The following NCOR1 variants were observed in gnomAD, a reference collection of about 807,000 sequenced individuals.
The protein encoded by NCOR1 is nuclear receptor corepressor 1, also known as protein phosphatase 1, regulatory subunit 109.
A neutral mutation model predicts 288.1 loss-of-function variants in NCOR1; 63 were observed. That is an observed-to-expected ratio of 0.22 (90% CI 0.18 to 0.27). The LOEUF (loss-of-function observed/expected upper bound fraction) is 0.27. Among genes scored for constraint, NCOR1 ranks in the 10% least tolerant of loss-of-function variants. NCOR1 has a pLI of 1.00. For missense variants in NCOR1, 2,397 were observed against 3,019.2 expected (o/e 0.79, Z 4.83); for synonymous variants, 1,007 against 1,065.9 (o/e 0.94, Z 1.08).
At chr17:16,145,620 C>A (rs376010255) in intron 10 of NCOR1, among the ~76,000 whole-genome samples, 1 of 151,340 alleles carries the variant, frequency 6.6e-6, no homozygotes. Flanking sequence ...CCCCTCTGCC[C>A]GGCAGCCGCC....
intron 1 of NCOR1, among the ~76,000 whole-genome samples, chr17:16,210,024 T>TA (rs370412666): frequency 6.3e-4 from 95 of 149,938 alleles, no homozygotes; most frequent in South Asian, 4.5e-3. Context: ...CCTTCATACT[T>TA]AAAAAAAAAA....
At chr17:16,146,986 C>T (rs2078083396) in intron 9 of NCOR1, among the ~76,000 whole-genome samples, 1 of 152,178 alleles carries the variant, frequency 6.6e-6, no homozygotes, top group Non-Finnish European at 1.5e-5. Context: ...AAACAAAACA[C>T]ACACGCTTTA....
chr17:16,094,324 T>C (rs1328862387), intron 21 of NCOR1, among the ~76,000 whole-genome samples: 1 of 152,206 alleles, frequency 6.6e-6, no homozygotes, highest in South Asian at 2.1e-4. Context: ...AAATGTCCAT[T>C]TGAATGAGTC....
chr17:16,187,105 A>G (rs2086811975), intron 2 of NCOR1, among the ~76,000 whole-genome samples: 1 of 152,184 alleles, frequency 6.6e-6, no homozygotes, highest in African/African-American at 2.4e-5. Flanking sequence ...TGAAGTACAG[A>G]GAATCAACCT....
chr17:16,035,875 C>T (rs1409407790), intron 44 of NCOR1, among the ~76,000 whole-genome samples: 1 of 152,102 alleles, frequency 6.6e-6, no homozygotes, highest in Admixed American at 6.6e-5. Flanking sequence ...TGCAGTGACT[C>T]CCTCCACTGA....
At chr17:16,095,436 G>A (rs1443032828) in intron 21 of NCOR1, among the ~76,000 whole-genome samples, 3 of 149,544 alleles carry the variant, frequency 2.0e-5, no homozygotes, top group African/African-American at 7.4e-5. Flanking sequence ...ATCCGGGAGG[G>A]AGGTGGGGGG....
In NCOR1 at chr17:16,121,098, C is replaced by T. The variant is rs778137445; in HGVS notation, c.1806G>A (p.Ala602=). 2.9e-5 allele frequency: 46 copies of T among 1,613,944 alleles called. 1 individual carries two copies. The South Asian group carries it at 3.1e-4, about 11-fold the overall frequency. The change falls in exon 16 of 46, where the codon GCG becomes GCA. Residue 602 remains alanine (A), a synonymous_variant. Transcript: ENST00000268712. The part of the protein sequence containing the change: ...EAAAASAAAA[A]ATEEPPPPLP... ...GAGGTGGTGGGGGCTCTTCAGTAGC[C>T]GCTGCGGCTGCAGCACTGGCAGCTG...
At position 16,101,669 on chromosome 17, in the gene NCOR1, C is replaced by T. The variant is rs781757424; in HGVS notation, c.2271G>A (p.Thr757=). 1.4e-5 allele frequency: 22 copies of T among 1,614,058 alleles called. No homozygotes were observed. The highest frequency in any genetic ancestry group is 1.8e-5 in the Non-Finnish European group (21 of 1,180,054). Residue 757 remains threonine, a synonymous_variant, in exon 20 of 46, where the codon ACG becomes ACA. Coordinates refer to ENST00000268712, the MANE Select transcript of NCOR1 (RefSeq NM_006311.4). Reference sequence around the variant, plus strand: ...AGGGAGATGTACTGGGTGCAGTTTCCGTGGTGGGCTCAAGCTCAACCGCAG... The same window carrying T: ...AGGGAGATGTACTGGGTGCAGTTTCTGTGGTGGGCTCAAGCTCAACCGCAG... ...TEPAVELEPT[T]ETAPSTSPSL...
chr17:16,120,835 CA>C, intron 16 of NCOR1, among the ~76,000 whole-genome samples: 1 of 152,174 alleles, frequency 6.6e-6, no homozygotes, highest in South Asian at 2.1e-4. Context: ...GGCACACTAG[CA>C]TAACAACTAA....
At chr17:16,083,921 G>A (rs1469034867) in intron 23 of NCOR1, 1 of 151,668 alleles carries the variant, frequency 6.6e-6, no homozygotes. Flanking sequence ...AATAAATGAA[G>A]TGGCGAAAGA....
intron 42 of NCOR1, 58 bp downstream of exon 42, chr17:16,046,892 TG>T: frequency 6.3e-7 from 1 of 1,588,076 alleles, no homozygotes; most frequent in Non-Finnish European, 8.6e-7. Flanking sequence ...GAGGCAACAC[TG>T]GAGATATCAT....
At chr17:16,049,190 G>A (rs565670657) in intron 40 of NCOR1, 4 of 420,784 alleles carry the variant, frequency 9.5e-6, no homozygotes, top group Non-Finnish European at 1.7e-5. Flanking sequence ...CTGTGTTACT[G>A]CCACTTGACC....
intron 23 of NCOR1, among the ~76,000 whole-genome samples, chr17:16,083,274 C>T (rs1488371057): frequency 6.6e-6 from 1 of 151,144 alleles, no homozygotes; most frequent in Non-Finnish European, 1.5e-5. Context: ...ACTCGGAAGG[C>T]TGAGGTGGGA....
At chr17:16,128,283 C>A (rs2075065528) in intron 14 of NCOR1, among the ~76,000 whole-genome samples, 1 of 152,202 alleles carries the variant, frequency 6.6e-6, no homozygotes, top group African/African-American at 2.4e-5. Flanking sequence ...TAAAGTCCCA[C>A]ATAGTCTCTA....
chr17:16,044,224 A>G (rs1392354368), intron 42 of NCOR1, among the ~76,000 whole-genome samples: 1 of 152,078 alleles, frequency 6.6e-6, no homozygotes, highest in Non-Finnish European at 1.5e-5. Flanking sequence ...CCTGATAACA[A>G]TTCTGGTCAG....
At chr17:16,064,790 C>A in intron 34 of NCOR1, 80 bp downstream of exon 34, 1 of 1,365,612 alleles carries the variant, frequency 7.3e-7, no homozygotes, top group South Asian at 1.8e-5. Flanking sequence ...AAAAATTGCC[C>A]AAGATACCTT....
intron 2 of NCOR1, among the ~76,000 whole-genome samples, chr17:16,193,632 C>A (rs1203688114): frequency 5.9e-5 from 9 of 152,098 alleles, no homozygotes; most frequent in Admixed American, 1.3e-4. Flanking sequence ...ATTCAACACC[C>A]AATCATGACA....
Position 16,032,288 on chromosome 17 carries a change from T to C in NCOR1, c.*8A>G. ...CTCCTGCACCCTGTTCCCCTCACTT[T>C]GTGCAGTTCAGTCATCACTATCCGA... On this transcript the variant is annotated 3_prime_UTR_variant, in exon 46 of 46. Coordinates refer to ENST00000268712, the MANE Select transcript of NCOR1 (RefSeq NM_006311.4). The C allele has an allele frequency of 6.2e-7, 1 of 1,600,710 alleles. No individual in the cohort carries two copies.
chr17:16,086,312 T>C lies in NCOR1; in HGVS notation c.3147A>G (p.Pro1049=). The C allele has an allele frequency of 2.5e-6, 4 of 1,614,092 alleles. No individual in the cohort carries two copies. Among genetic ancestry groups the C allele is most frequent in the Non-Finnish European group, 3.4e-6 (4 of 1,179,990 alleles). The part of the protein sequence containing the change: ...SSKTTVASEK[P]SFIMGGSISQ... The stretch of plus-strand genomic sequence containing the variant: ...AGATGGAGCCTCCCATTATAAAAGA[T>C]GGTTTTTCTGAAGCCACTGTGGTTT... Residue 1049 remains proline (P), a synonymous_variant, in exon 23 of 46, where the codon CCA becomes CCG. Transcript: ENST00000268712.
Sources: allele counts gnomAD v4.1 joint callset (sites outside exome capture counted in the v4.1 genomes callset), GRCh38; gene constraint gnomAD v4.1.1; transcripts MANE v1.5; gene names NCBI Gene and HGNC (gene_info 2026-07-23, HGNC 2026-07-21).